Variants in KCNH7 observed in about 807,000 individuals in gnomAD.
The protein encoded by KCNH7 is voltage-gated inwardly rectifying potassium channel KCNH7.
Under a neutral mutation model 120.8 loss-of-function variants are expected in KCNH7, and 49 were observed. The observed-to-expected ratio is 0.41, with a 90% CI of 0.32 to 0.51. The LOEUF (loss-of-function observed/expected upper bound fraction) is 0.51. Ranked by LOEUF, KCNH7 falls within the 20% of genes least tolerant of loss-of-function variation. The pLI is 0.38. For synonymous variants in KCNH7, 547 were observed against 516.1 expected, an observed-to-expected ratio of 1.06 and a Z score of -0.81; for missense variants, 1,097 against 1,446.6, an observed-to-expected ratio of 0.76 and a Z score of 3.92.
intron 2 of KCNH7, among the ~76,000 whole-genome samples, chr2:162,699,235 A>G (rs1686404192): frequency 6.6e-6 from 1 of 152,046 alleles, no homozygotes; most frequent in Non-Finnish European, 1.5e-5. Context: ...AATTATTCCA[A>G]CTGCAATCCC....
At chr2:162,405,637 G>C (rs1331376411) in intron 9 of KCNH7, among the ~76,000 whole-genome samples, 1 of 151,866 alleles carries the variant, frequency 6.6e-6, no homozygotes, top group Admixed American at 6.6e-5. Flanking sequence ...TTCTTGTGCC[G>C]AGTAATGAAT....
intron 2 of KCNH7, among the ~76,000 whole-genome samples, chr2:162,674,935 G>T (rs2105302880): frequency 6.6e-6 from 1 of 151,568 alleles, no homozygotes; most frequent in South Asian, 2.1e-4. Flanking sequence ...CATTAATCAT[G>T]AAAGAAAGTA....
At chr2:162,513,534 C>G (rs1691186389) in intron 4 of KCNH7, among the ~76,000 whole-genome samples, 1 of 145,854 alleles carries the variant, frequency 6.9e-6, no homozygotes, top group African/African-American at 2.5e-5. Context: ...TTCTTCCTTT[C>G]AGGACAAGGT....
chr2:162,774,860 T>C (rs1683178041), intron 2 of KCNH7, among the ~76,000 whole-genome samples: 1 of 152,210 alleles, frequency 6.6e-6, no homozygotes, highest in African/African-American at 2.4e-5. Context: ...TAGGCATCAC[T>C]TCAAGGGCAA....
intron 6 of KCNH7, among the ~76,000 whole-genome samples, chr2:162,485,856 C>T (rs928368689): frequency 6.6e-6 from 1 of 152,184 alleles, no homozygotes; most frequent in African/African-American, 2.4e-5. Flanking sequence ...GCCAGTCAAC[C>T]AGGAAAGAGC....
chr2:162,664,648 A>G (rs1454669300), intron 2 of KCNH7, among the ~76,000 whole-genome samples: 1 of 152,178 alleles, frequency 6.6e-6, no homozygotes, highest in African/African-American at 2.4e-5. Context: ...CGTAGATTAC[A>G]ATAATAAATT....
chr2:162,487,541 A>C (rs1322361812), intron 6 of KCNH7, among the ~76,000 whole-genome samples: 2 of 152,046 alleles, frequency 1.3e-5, no homozygotes, highest in Non-Finnish European at 2.9e-5. Context: ...ATTTTGAGAA[A>C]CCCTGAGGAA....
chr2:162,715,157 A>G (rs1292223233), intron 2 of KCNH7, among the ~76,000 whole-genome samples: 1 of 152,288 alleles, frequency 6.6e-6, no homozygotes, highest in East Asian at 1.9e-4. Flanking sequence ...AAAGAGGCTT[A>G]ATTGGCTGAT....
At chr2:162,392,162 GA>G (rs1686763231) in intron 12 of KCNH7, among the ~76,000 whole-genome samples, 1 of 152,030 alleles carries the variant, frequency 6.6e-6, no homozygotes, top group Non-Finnish European at 1.5e-5. Flanking sequence ...AAGAGAAAGA[GA>G]AGCTTTACAT....
rs772479718 is a variant in KCNH7, at chr2:162,394,482, C to T, written c.2617G>A (p.Asp873Asn). ...TTCATGGATTGTGATCGTAGGAGAT[C>T]AGCCTTTGTTAATGGAACATGAAGA... Reference protein sequence around the residue: ...FNLRHESAKADLLRSQSMNDS... With the variant: ...FNLRHESAKANLLRSQSMNDS... Residue 873 changes from aspartate to asparagine, a missense_variant, in exon 12 of 16, where the codon GAT (aspartate) becomes AAT (asparagine). Coordinates refer to ENST00000332142, the MANE Select transcript of KCNH7 (RefSeq NM_033272.4). The T allele has an allele frequency of 1.3e-6, 2 of 1,579,934 alleles. No individual in the cohort carries two copies. Among genetic ancestry groups the T allele is most frequent in the Non-Finnish European group, 1.7e-6 (2 of 1,150,772 alleles).
intron 5 of KCNH7, among the ~76,000 whole-genome samples, chr2:162,511,607 C>T (rs1226225634): frequency 6.6e-6 from 1 of 151,480 alleles, no homozygotes; most frequent in Non-Finnish European, 1.5e-5. Flanking sequence ...GGGGATACTG[C>T]CATAATTTCC....
rs565070712 is a variant in KCNH7, at chr2:162,507,259, G to A, written c.914-2602C>T. ...TGTTATTTGCAAATATGTAAGCTAA[G>A]AGATTTGAGTCTTCTTTACCAGTGT... On this transcript the variant is annotated intron_variant, in intron 5 of 15. Transcript: ENST00000332142. Among the ~76,000 whole-genome samples, 14 of 151,744 alleles carry A rather than the reference G, an allele frequency of 9.2e-5. No individual in the cohort carries two copies. In the South Asian group the frequency reaches 2.5e-3, roughly 27 times the overall value.
At chr2:162,756,061 T>A in intron 2 of KCNH7, among the ~76,000 whole-genome samples, 1 of 152,202 alleles carries the variant, frequency 6.6e-6, no homozygotes, top group Non-Finnish European at 1.5e-5. Flanking sequence ...TTGACTAAAA[T>A]TCTGTTTTTG....
At chr2:162,657,217 C>T (rs1684793717) in intron 2 of KCNH7, among the ~76,000 whole-genome samples, 1 of 152,166 alleles carries the variant, frequency 6.6e-6, no homozygotes, top group Admixed American at 6.5e-5. Flanking sequence ...GTACACTTTA[C>T]AAGTTTTGAA....
Position 162,400,314 on chromosome 2 carries a change from A to C in KCNH7, c.2282T>G (p.Phe761Cys). Reference sequence around the variant, plus strand: ...TCCTGGAGGTGCATGGGTGGTTTTGAACTTCATTGCCAAAGCTCTAAGGCA... The same window carrying C: ...TCCTGGAGGTGCATGGGTGGTTTTGCACTTCATTGCCAAAGCTCTAAGGCA... ...KGCLRALAMK[F>C]KTTHAPPGDT... The change falls in exon 10 of 16, where the codon TTC becomes TGC. Residue 761 changes from phenylalanine to cysteine, a missense_variant. This residue lies in a region of KCNH7 where 101 missense variants were observed against 176.3 expected (regional missense o/e 0.57). Coordinates refer to ENST00000332142, the MANE Select transcript of KCNH7 (RefSeq NM_033272.4). 1 of 1,612,538 alleles carries C rather than the reference A, an allele frequency of 6.2e-7. No individual in the cohort carries two copies.
intron 2 of KCNH7, among the ~76,000 whole-genome samples, chr2:162,785,972 G>A (rs945915717): frequency 6.6e-6 from 1 of 152,106 alleles, no homozygotes; most frequent in Non-Finnish European, 1.5e-5. Context: ...GCTGGGCGCG[G>A]TGGCTCATGC....
intron 2 of KCNH7, among the ~76,000 whole-genome samples, chr2:162,674,646 A>G (rs1685474464): frequency 6.6e-6 from 1 of 151,764 alleles, no homozygotes; most frequent in African/African-American, 2.4e-5. Flanking sequence ...AGACATAAAC[A>G]AGTAGAGCAA....
chr2:162,547,123 G>T (rs867907579), intron 2 of KCNH7, among the ~76,000 whole-genome samples: 1 of 152,134 alleles, frequency 6.6e-6, no homozygotes, highest in African/African-American at 2.4e-5. Context: ...GTGAGACAGC[G>T]CGTGTGTCAG....
chr2:162,670,000 T>G lies in KCNH7; in HGVS notation c.308-132920A>C, dbSNP rs113020916. 8.2e-3 allele frequency among the ~76,000 whole-genome samples: 1,241 copies of G among 152,074 alleles called. 14 individuals carry two copies. Among genetic ancestry groups the G allele is most frequent in the African/African-American group, 0.028 (1,160 of 41,476 alleles). On this transcript the variant is annotated intron_variant, in intron 2 of 15. Coordinates refer to ENST00000332142, the MANE Select transcript of KCNH7 (RefSeq NM_033272.4). ...CTGTAATCCCAGCTACTCGGGAGGC[T>G]GAGGCAGGAGAATCACTTGAACCCA...
Sources: allele counts gnomAD v4.1 joint callset (sites outside exome capture counted in the v4.1 genomes callset), GRCh38; gene constraint gnomAD v4.1.1; regional missense constraint gnomAD v4.1.1; transcripts MANE v1.5; gene names NCBI Gene and HGNC (gene_info 2026-07-23, HGNC 2026-07-21).